Variants in TPR observed in about 807,000 individuals in gnomAD.
The protein encoded by TPR is translocated promoter region, nuclear basket protein, also known as nucleoprotein TPR.
A neutral mutation model predicts 316.1 loss-of-function variants in TPR; 51 were observed. The ratio of observed to expected loss-of-function variants is 0.16; its 90% CI spans 0.13 to 0.20. The LOEUF (loss-of-function observed/expected upper bound fraction) is 0.20, where lower values mean the gene tolerates loss of function less well. Ranked by LOEUF, TPR falls within the 10% of genes least tolerant of loss-of-function variation. The pLI is 1.00. For synonymous variants in TPR, 981 were observed against 914.7 expected, an observed-to-expected ratio of 1.07 and a Z score of -1.31; for missense variants, 2,272 against 2,754.8, an observed-to-expected ratio of 0.82 and a Z score of 3.92.
At chr1:186,331,403 TA>T (rs879058159) in intron 39 of TPR, 94 bp downstream of exon 39, 50,433 of 604,298 alleles carry the variant, frequency 0.083, no homozygotes, top group South Asian at 0.12. Flanking sequence ...AAGAACAAGC[TA>T]AAAAAAAAAA....
In TPR at chr1:186,331,482, G is replaced by A. The variant is rs1553228539; in HGVS notation, c.5688+16C>T. On this transcript the variant is annotated intron_variant, in intron 39 of 50. Coordinates refer to ENST00000367478, the MANE Select transcript of TPR (RefSeq NM_003292.3). Reference sequence around the variant, plus strand: ...GAAAAGCAACGGTGTGGTACTTTAGGTATGTTTTTACTTACTTCTCCAATG... The same window carrying A: ...GAAAAGCAACGGTGTGGTACTTTAGATATGTTTTTACTTACTTCTCCAATG... 1.3e-6 allele frequency: 2 copies of A among 1,580,094 alleles called. No individual in the cohort carries two copies. Among genetic ancestry groups the A allele is most frequent in the Admixed American group, 1.7e-5 (1 of 57,992 alleles).
intron 6 of TPR, 47 bp downstream of exon 6, chr1:186,362,790 T>G: frequency 6.7e-7 from 1 of 1,487,550 alleles, no homozygotes; most frequent in Non-Finnish European, 9.1e-7. Context: ...GACATACAAA[T>G]GTAAGTTATA....
chr1:186,360,411 TA>T (rs1252885293), intron 10 of TPR, 47 bp from the exon 11 acceptor site: 2 of 1,582,664 alleles, frequency 1.3e-6, no homozygotes, highest in Admixed American at 3.5e-5. Context: ...AATTCCAAAC[TA>T]AAAGCCATTA....
At chr1:186,328,960 T>TA (rs1658076763) in intron 39 of TPR, among the ~76,000 whole-genome samples, 1 of 152,148 alleles carries the variant, frequency 6.6e-6, no homozygotes, top group Non-Finnish European at 1.5e-5. Flanking sequence ...AAGACATTCA[T>TA]AAAAAATTAC....
chr1:186,319,283 C>T (rs1232020447), intron 46 of TPR, among the ~76,000 whole-genome samples: 1 of 152,166 alleles, frequency 6.6e-6, no homozygotes, highest in Non-Finnish European at 1.5e-5. Flanking sequence ...GCCACTGCAC[C>T]TGGCCTCAAA....
At position 186,312,260 on chromosome 1, in the gene TPR, T is replaced by C. The variant is rs138093894; in HGVS notation, c.*1711A>G. 7.6e-3 allele frequency: 12,290 copies of C among 1,613,984 alleles called. 63 individuals are homozygous for C. Among genetic ancestry groups the C allele is most frequent in the Non-Finnish European group, 8.4e-3 (9,903 of 1,179,904 alleles). The stretch of plus-strand genomic sequence containing the variant: ...GGCCTGCTCTAAATTATCCAGTGTA[T>C]GGAGAAACGACACAGGTTAGGAGAC... On this transcript the variant is annotated 3_prime_UTR_variant, in exon 51 of 51. Transcript: ENST00000367478.
chr1:186,327,597 T>A lies in TPR; in HGVS notation c.5752A>T (p.Ile1918Leu). 1 of 1,613,114 alleles carries A rather than the reference T, an allele frequency of 6.2e-7. No individual in the cohort carries two copies. The change falls in exon 40 of 51, where the codon ATA (isoleucine) becomes TTA (leucine). Residue 1918 changes from isoleucine (I) to leucine (L), a missense_variant. By Grantham distance (5) the Ile-to-Leu change is conservative. Transcript: ENST00000367478. ...DSEETSQSLQIDLGPLQSDQQ... is the reference protein window; with the variant it reads ...DSEETSQSLQLDLGPLQSDQQ... ...TCTGATTGAAGTGGCCCAAGATCTA[T>A]TTGTAGAGACTGAGAGGTTTCTTCA...
chr1:186,373,416 T>C lies in TPR; in HGVS notation c.199A>G (p.Arg67Gly). The C allele has an allele frequency of 6.2e-7, 1 of 1,613,556 alleles. No homozygotes were observed. The highest frequency in any genetic ancestry group is 1.1e-5 in the South Asian group (1 of 91,044). The change falls in exon 2 of 51, where the codon AGA becomes GGA. Residue 67 changes from arginine to glycine, a missense_variant. Transcript: ENST00000367478. ...IEKRLSHSQE[R>G]LVNETRECQS... ...CACTCTCGGGTTTCATTCACAAGTC[T>C]CTCCTGACTGTGGGACAACCTCTTT...
At position 186,341,126 on chromosome 1, in the gene TPR, G is replaced by T; in HGVS notation, c.3922C>A (p.Gln1308Lys). The part of the protein sequence containing the change: ...RKLELDILPL[Q>K]EANAELSEKS... ...TCACTCAGCTCAGCATTTGCTTCTT[G>T]TAAGGGTAAAATATCTAACTCCAGT... Residue 1308 changes from glutamine (Q) to lysine (K), a missense_variant, in exon 29 of 51, where the codon CAA becomes AAA. This residue lies in a region of TPR where 757 missense variants were observed against 859.8 expected (regional missense o/e 0.88). Transcript: ENST00000367478. 1 of 1,614,028 alleles carries T rather than the reference G, an allele frequency of 6.2e-7. No homozygotes were observed. Among genetic ancestry groups the T allele is most frequent in the East Asian group, 2.2e-5 (1 of 44,860 alleles).
Position 186,353,844 on chromosome 1 carries a change from T to G in TPR, c.2178A>C (p.Glu726Asp). The G allele has an allele frequency of 6.2e-7, 1 of 1,612,904 alleles. No homozygotes were observed. The highest frequency in any genetic ancestry group is 8.5e-7 in the Non-Finnish European group (1 of 1,179,734). Residue 726 changes from glutamate to aspartate, a missense_variant, in exon 18 of 51, where the codon GAA becomes GAC. Coordinates refer to ENST00000367478, the MANE Select transcript of TPR (RefSeq NM_003292.3). ...ATCCTTCAACATTATCTTGCAGCAT[T>G]TCATAACTGGTATGAAAAAAGTAAT... is the stretch of plus-strand genomic sequence containing the variant. ...TQLDFASKRY[E>D]MLQDNVEGYR...
chr1:186,330,117 T>C (rs979997789), intron 39 of TPR, among the ~76,000 whole-genome samples: 1 of 152,186 alleles, frequency 6.6e-6, no homozygotes, highest in Non-Finnish European at 1.5e-5. Flanking sequence ...TACATTGTGA[T>C]TTGAGAGACC....
rs754925523 is a variant in TPR, at chr1:186,346,168, A to G, written c.3063T>C (p.Asp1021=). 1 of 1,612,920 alleles carries G rather than the reference A, an allele frequency of 6.2e-7. No individual in the cohort carries two copies. The highest frequency in any genetic ancestry group is 1.7e-5 in the Admixed American group (1 of 59,946). ...CCATGCTCTCTATGGCTCTTCTTTTATCATCCTGAAGTTCTTGTTTTTCCT... is the reference window on the plus strand; with the variant it reads ...CCATGCTCTCTATGGCTCTTCTTTTGTCATCCTGAAGTTCTTGTTTTTCCT... ...VEKEKQELQD[D]KRRAIESMEQ... is the part of the protein sequence containing the mutation. The change falls in exon 23 of 51, where the codon GAT becomes GAC. Residue 1021 remains aspartate, a synonymous_variant. Transcript: ENST00000367478.
At chr1:186,322,466 T>A in intron 44 of TPR, 52 bp downstream of exon 44, 1 of 1,612,678 alleles carries the variant, frequency 6.2e-7, no homozygotes. Flanking sequence ...ATGGACTATA[T>A]AAATATCTGC....
Position 186,317,469 on chromosome 1 carries a change from G to C in TPR, c.6940+13C>G. The C allele has an allele frequency of 6.2e-7, 1 of 1,605,632 alleles. No homozygotes were observed. The highest frequency in any genetic ancestry group is 8.5e-7 in the Non-Finnish European group (1 of 1,172,282). ...GTATAAAAACTGTATTGCAGTCAAG[G>C]GCAGGGACTCACCTACAGATGAGCT... On this transcript the variant is annotated intron_variant, in intron 49 of 50. Coordinates refer to ENST00000367478, the MANE Select transcript of TPR (RefSeq NM_003292.3).
At chr1:186,356,025 T>C (rs1401473043) in intron 15 of TPR, among the ~76,000 whole-genome samples, 4 of 152,204 alleles carry the variant, frequency 2.6e-5, no homozygotes. Flanking sequence ...CATATCTGTT[T>C]TGGTCATTAA....
chr1:186,331,018 G>T (rs1043247040), intron 39 of TPR, among the ~76,000 whole-genome samples: 1 of 151,914 alleles, frequency 6.6e-6, no homozygotes, highest in East Asian at 1.9e-4. Flanking sequence ...GTAACTTCAG[G>T]GTCTATATTC....
At position 186,360,360 on chromosome 1, in the gene TPR, G is replaced by A. The variant is rs1372397075; in HGVS notation, c.1104C>T (p.Ala368=). ...CGGCAAGCTCTTCTTCAGACAATAT[G>A]GCTCCTGTGCCAACAAATACACATC... ...DLLSATKRKG[A]ILSEEELAAM... is the part of the protein sequence containing the mutation. Residue 368 remains alanine, a synonymous_variant, in exon 11 of 51, where the codon GCC becomes GCT. Coordinates refer to ENST00000367478, the MANE Select transcript of TPR (RefSeq NM_003292.3). 1 of 1,612,822 alleles carries A rather than the reference G, an allele frequency of 6.2e-7. No homozygotes were observed. The highest frequency in any genetic ancestry group is 8.5e-7 in the Non-Finnish European group (1 of 1,179,366).
chr1:186,317,402 A>G, intron 49 of TPR, 80 bp downstream of exon 49: 1 of 1,079,532 alleles, frequency 9.3e-7, no homozygotes, highest in Non-Finnish European at 1.4e-6. Flanking sequence ...AGGATTATTA[A>G]TTTGTTACTA....
At chr1:186,361,108 CT>C in intron 9 of TPR, among the ~76,000 whole-genome samples, 1 of 151,810 alleles carries the variant, frequency 6.6e-6, no homozygotes, top group Admixed American at 6.6e-5. Context: ...TTTGATGTCT[CT>C]TACCCACAAA....
Sources: allele counts gnomAD v4.1 joint callset (sites outside exome capture counted in the v4.1 genomes callset), GRCh38; gene constraint gnomAD v4.1.1; regional missense constraint gnomAD v4.1.1; transcripts MANE v1.5; gene names NCBI Gene and HGNC (gene_info 2026-07-23, HGNC 2026-07-21).